Variants in PDE1A observed in about 807,000 individuals in gnomAD.
PDE1A encodes dual specificity calcium/calmodulin-dependent 3',5'-cyclic nucleotide phosphodiesterase 1A.
In PDE1A, 35 loss-of-function variants were observed where a neutral mutation model predicts 61.7. The ratio of observed to expected loss-of-function variants is 0.57; its 90% CI spans 0.43 to 0.75. PDE1A has a LOEUF of 0.75. PDE1A is among the 30% of genes least tolerant of loss of function. The pLI is 0.00. For synonymous variants in PDE1A, 232 were observed against 213.2 expected (o/e 1.09, Z -0.77); for missense variants, 597 against 630.6 (o/e 0.95, Z 0.57).
intron 1 of PDE1A, chr2:182,522,398 C>G: frequency 1.2e-6 from 2 of 1,612,652 alleles, no homozygotes; most frequent in Non-Finnish European, 8.5e-7. Context: ...TAAGACAATA[C>G]AGTTACAGTC....
chr2:182,499,159 T>C (rs1486916439), intron 2 of PDE1A, among the ~76,000 whole-genome samples: 1 of 137,464 alleles, frequency 7.3e-6, no homozygotes, highest in African/African-American at 2.9e-5. Context: ...GGCTATTTTC[T>C]TTCTCTTTTT....
intron 1 of PDE1A, among the ~76,000 whole-genome samples, chr2:182,318,903 T>A (rs1010018384): frequency 6.6e-6 from 1 of 152,200 alleles, no homozygotes. Flanking sequence ...TGTCTTAGTA[T>A]TCTCAGCATG....
chr2:182,431,121 T>TAAAAAAAAAAAAAAAAAAAA (rs538631665), upstream of PDE1A, among the ~76,000 whole-genome samples: 1 of 121,518 alleles, frequency 8.2e-6, no homozygotes, highest in Non-Finnish European at 1.7e-5. Context: ...AAAAAAACAT[T>TAAAAAAAAAAAAAAAAAAAA]AAAAAAAAAA....
chr2:182,332,265 G>A (rs764066306), intron 1 of PDE1A, among the ~76,000 whole-genome samples: 1 of 151,940 alleles, frequency 6.6e-6, no homozygotes, highest in East Asian at 1.9e-4. Flanking sequence ...CTTTTTTCAA[G>A]GTTCTTAGCT....
chr2:182,712,332 A>C, the PDE1A span, among the ~76,000 whole-genome samples: 1 of 152,212 alleles, frequency 6.6e-6, no homozygotes, highest in East Asian at 1.9e-4. Context: ...GGCAAGACCT[A>C]AATGGGGTCT....
chr2:182,546,055 A>C, the PDE1A span, among the ~76,000 whole-genome samples: 507 of 152,312 alleles, frequency 3.3e-3, 1 homozygote, highest in African/African-American at 0.011. Context: ...GTGGCTGAGG[A>C]AAGTTATTTG....
At chr2:182,461,502 A>G (rs1686283948) in intron 2 of PDE1A, among the ~76,000 whole-genome samples, 1 of 152,098 alleles carries the variant, frequency 6.6e-6, no homozygotes, top group South Asian at 2.1e-4. Context: ...GGGAATAATA[A>G]CCAAATAGGA....
At chr2:182,637,031 A>G in the PDE1A span, among the ~76,000 whole-genome samples, 1 of 152,320 alleles carries the variant, frequency 6.6e-6, no homozygotes, top group Middle Eastern at 3.4e-3. Flanking sequence ...GCCTGAAAAA[A>G]CAATTATTTA....
At chr2:182,647,217 C>G in the PDE1A span, among the ~76,000 whole-genome samples, 1 of 152,150 alleles carries the variant, frequency 6.6e-6, no homozygotes, top group African/African-American at 2.4e-5. Context: ...GACATCACTG[C>G]GTGCACTCAC....
chr2:182,509,332 T>C (rs1689637220), intron 2 of PDE1A, among the ~76,000 whole-genome samples: 1 of 151,820 alleles, frequency 6.6e-6, no homozygotes, highest in South Asian at 2.1e-4. Flanking sequence ...AATTGGGGAG[T>C]TTCTGACATC....
chr2:182,647,915 T>A, the PDE1A span, among the ~76,000 whole-genome samples: 5 of 145,980 alleles, frequency 3.4e-5, no homozygotes, highest in Non-Finnish European at 7.5e-5. Flanking sequence ...CCAAATTTAC[T>A]GAGGAAAAAA....
chr2:182,565,126 G>A, the PDE1A span, among the ~76,000 whole-genome samples: 5 of 152,158 alleles, frequency 3.3e-5, no homozygotes, highest in African/African-American at 1.2e-4. Context: ...GAGGAGAGGC[G>A]CTCTGCTTTT....
chr2:182,475,763 C>G (rs1687318295), intron 2 of PDE1A, among the ~76,000 whole-genome samples: 1 of 151,842 alleles, frequency 6.6e-6, no homozygotes, highest in Non-Finnish European at 1.5e-5. Context: ...ACTGTTTTAT[C>G]AGTTTCCTTA....
intron 1 of PDE1A, among the ~76,000 whole-genome samples, chr2:182,323,369 GA>G (rs1446837490): frequency 6.6e-6 from 1 of 152,138 alleles, no homozygotes; most frequent in Admixed American, 6.5e-5. Context: ...CTATCAATGG[GA>G]CTCAGTCACA....
chr2:182,393,530 A>G (rs1701538055), intron 1 of PDE1A, among the ~76,000 whole-genome samples: 1 of 152,174 alleles, frequency 6.6e-6, no homozygotes, highest in Non-Finnish European at 1.5e-5. Flanking sequence ...AGCCAGCTTG[A>G]ATTTTTCCTC....
chr2:182,552,983 C>T, the PDE1A span, among the ~76,000 whole-genome samples: 3 of 152,216 alleles, frequency 2.0e-5, no homozygotes, highest in Admixed American at 6.5e-5. Context: ...CCGCTGTGCT[C>T]CTGATCCAGC....
At chr2:182,640,917 G>A in the PDE1A span, among the ~76,000 whole-genome samples, 1 of 151,158 alleles carries the variant, frequency 6.6e-6, no homozygotes, top group Non-Finnish European at 1.5e-5. Flanking sequence ...CCACCTGGGA[G>A]GCTGAGGCAG....
intron 1 of PDE1A, among the ~76,000 whole-genome samples, chr2:182,345,089 CTTTATTTGGTTATTTATTTATTTAGG>C (rs1698441286): frequency 6.6e-6 from 1 of 152,130 alleles, no homozygotes; most frequent in Non-Finnish European, 1.5e-5. Context: ...TTTATTTAGG[CTTTATTTGGTTATTTATTTATTTAGG>C]CTTTATTTAT....
intron 13 of PDE1A, among the ~76,000 whole-genome samples, chr2:182,171,008 T>C (rs1692162175): frequency 6.6e-6 from 1 of 152,068 alleles, no homozygotes; most frequent in Non-Finnish European, 1.5e-5. Context: ...ATGTTTCTCT[T>C]ACTTCTAGTG....
Sources: allele counts gnomAD v4.1 joint callset (sites outside exome capture counted in the v4.1 genomes callset), GRCh38; gene constraint gnomAD v4.1.1; transcripts MANE v1.5; gene names NCBI Gene and HGNC (gene_info 2026-07-23, HGNC 2026-07-21).